Variants in THEMIS observed in about 807,000 individuals in gnomAD.
The protein encoded by THEMIS is thymocyte selection associated, also known as protein THEMIS.
Under a neutral mutation model 52.6 loss-of-function variants are expected in THEMIS, and 37 were observed. The ratio of observed to expected loss-of-function variants is 0.70; its 90% CI spans 0.54 to 0.93. The LOEUF is 0.93. THEMIS is among the 40% of genes least tolerant of loss of function. THEMIS has a pLI of 0.00. For missense variants in THEMIS, 808 were observed against 763.1 expected, an observed-to-expected ratio of 1.06 and a Z score of -0.69; for synonymous variants, 292 against 272.7, an observed-to-expected ratio of 1.07 and a Z score of -0.70.
intron 4 of THEMIS, among the ~76,000 whole-genome samples, chr6:127,778,112 T>G (rs568089040): frequency 5.0e-4 from 76 of 152,088 alleles, no homozygotes; most frequent in Non-Finnish European, 8.4e-4. Context: ...GCAGTCTCAG[T>G]GCTGAAGGAA....
At chr6:127,728,525 T>G (rs1774632642) in intron 4 of THEMIS, among the ~76,000 whole-genome samples, 1 of 152,212 alleles carries the variant, frequency 6.6e-6, no homozygotes, top group Non-Finnish European at 1.5e-5. Context: ...TTTCAAATAT[T>G]AACATAAAAG....
chr6:127,901,110 G>A, upstream of THEMIS: 2 of 588,612 alleles, frequency 3.4e-6, no homozygotes, highest in Non-Finnish European at 6.1e-6. Flanking sequence ...GAAGAGGGAG[G>A]GGGGAAGCAG....
At chr6:127,854,589 C>T (rs1046866252) in intron 2 of THEMIS, among the ~76,000 whole-genome samples, 1 of 151,822 alleles carries the variant, frequency 6.6e-6, no homozygotes. Context: ...AAGACCAGGC[C>T]GACTTTTCAG....
rs149637898 is a variant in THEMIS at position 127,787,850 on chromosome 6, T to TATAGATAG, written c.1758+25025_1758+25032dup. Among the ~76,000 whole-genome samples the TATAGATAG allele has an allele frequency of 6.2e-3, 855 of 137,556 alleles. 4 individuals carry two copies. Among genetic ancestry groups the TATAGATAG allele is most frequent in the African/African-American group, 0.012 (445 of 35,852 alleles). The allele number at this position is 137,556 out of a possible 152,430, so 90.2% of individuals were successfully genotyped here. ...AGATAGATAGATAGAGATAGACAGA[T>TATAGATAG]ATAGATAGATAGATAGATAGATAGA... On this transcript the variant is annotated intron_variant, in intron 4 of 5. Transcript: ENST00000368248.
At position 127,832,777 on chromosome 6, in the gene THEMIS, C is replaced by CTTTTTTTTTTTTTTTTT. The variant is rs11355741; in HGVS notation, c.251-2860_251-2844dup. On this transcript the variant is annotated intron_variant, in intron 2 of 5. Coordinates refer to ENST00000368248, the MANE Select transcript of THEMIS (RefSeq NM_001010923.3). ...CTATTTCCACCTAGGATTGTCAGAT[C>CTTTTTTTTTTTTTTTTT]TTTTTTTTTTTTTTTTTTTTTTTTG... 1.8e-3 allele frequency among the ~76,000 whole-genome samples: 105 copies of CTTTTTTTTTTTTTTTTT among 57,804 alleles called. 24 individuals carry two copies. The highest frequency in any genetic ancestry group is 3.9e-3 in the African/African-American group (51 of 13,096). 37.9% of individuals were successfully genotyped at this position (57,804 alleles called of 152,430 possible).
chr6:127,851,788 C>T (rs777742394), intron 2 of THEMIS, among the ~76,000 whole-genome samples: 5 of 151,674 alleles, frequency 3.3e-5, no homozygotes, highest in African/African-American at 4.8e-5. Context: ...TTGGCAGTTT[C>T]TTTAAACTAA....
At chr6:127,696,899 C>A in the THEMIS span, among the ~76,000 whole-genome samples, 26 of 152,076 alleles carry the variant, frequency 1.7e-4, no homozygotes, top group African/African-American at 6.3e-4. Context: ...ACCTTAATTA[C>A]ATCTATCCCA....
rs192884942 is a variant in THEMIS at position 127,898,708 on chromosome 6, C to T, written c.91+2134G>A. ...AGATACCTGCATTCACATGTTTTTACAATAGCCAAAATATGAAATCAACTT... is the reference window on the plus strand; with the variant it reads ...AGATACCTGCATTCACATGTTTTTATAATAGCCAAAATATGAAATCAACTT... On this transcript the variant is annotated intron_variant, in intron 1 of 5. Coordinates refer to ENST00000368248, the MANE Select transcript of THEMIS (RefSeq NM_001010923.3). Among the ~76,000 whole-genome samples, 165 of 151,794 alleles carry T rather than the reference C, an allele frequency of 1.1e-3. 1 individual carries two copies. Among genetic ancestry groups the T allele is most frequent in the African/African-American group, 3.8e-3 (158 of 41,482 alleles).
Position 127,862,417 on chromosome 6 carries a change from C to T in THEMIS, c.92-7229G>A, listed in dbSNP as rs1431061313. 3.3e-5 allele frequency among the ~76,000 whole-genome samples: 3 copies of T among 90,160 alleles called. No homozygotes were observed. In the Admixed American group the frequency reaches 3.5e-4, roughly 10 times the overall value. 59.1% of individuals were successfully genotyped at this position (90,160 alleles called of 152,430 possible). ...CAAAGCCATAAGCAGGTGAAATCTC[C>T]TAGGGAGTAAATTTTTTTTTTTTTT... On this transcript the variant is annotated intron_variant, in intron 1 of 5. Coordinates refer to ENST00000368248, the MANE Select transcript of THEMIS (RefSeq NM_001010923.3).
intron 3 of THEMIS, among the ~76,000 whole-genome samples, chr6:127,821,303 A>C (rs1353629620): frequency 6.6e-6 from 1 of 152,050 alleles, no homozygotes; most frequent in African/African-American, 2.4e-5. Flanking sequence ...CATTTTCCAA[A>C]AAAGTTCTTT....
At chr6:127,728,758 A>T (rs1351543818) in intron 4 of THEMIS, among the ~76,000 whole-genome samples, 1 of 152,122 alleles carries the variant, frequency 6.6e-6, no homozygotes, top group African/African-American at 2.4e-5. Flanking sequence ...AAGAACCAAT[A>T]ACAAATACAT....
chr6:127,877,944 A>G (rs910722685), intron 1 of THEMIS, among the ~76,000 whole-genome samples: 1 of 152,202 alleles, frequency 6.6e-6, no homozygotes, highest in Non-Finnish European at 1.5e-5. Context: ...CAGGGAAAGG[A>G]TCAGGAAAAT....
In THEMIS at chr6:127,900,929, C is replaced by A; in HGVS notation, c.4G>T (p.Ala2Ser). The A allele has an allele frequency of 6.2e-7, 1 of 1,612,566 alleles. No homozygotes were observed. The highest frequency in any genetic ancestry group is 2.2e-5 in the East Asian group (1 of 44,824). M[A>S]LSLEEFVHSL... is the part of the protein sequence containing the mutation. Reference sequence around the variant, plus strand: ...TGGACGAATTCTTCCAGTGATAATGCCATTGCTATGCCTTGGGTAGTTTGT... The same window carrying A: ...TGGACGAATTCTTCCAGTGATAATGACATTGCTATGCCTTGGGTAGTTTGT... Residue 2 changes from alanine (A) to serine (S), a missense_variant, in exon 1 of 6, where the codon GCA becomes TCA. Transcript: ENST00000368248.
chr6:127,732,104 A>G (rs992642450), intron 4 of THEMIS, among the ~76,000 whole-genome samples: 1 of 151,350 alleles, frequency 6.6e-6, no homozygotes, highest in Admixed American at 6.6e-5. Flanking sequence ...TACAGTGCTG[A>G]AAAACTATAG....
rs145509932 is a variant in THEMIS at position 127,767,260 on chromosome 6, T to A, written c.1758+45623A>T. ...ATGTGCACCATCACACTCAGCTAAT[T>A]TTTTGTATTTTAGTAAAGGCACTGT... On this transcript the variant is annotated intron_variant, in intron 4 of 5. Coordinates refer to ENST00000368248, the MANE Select transcript of THEMIS (RefSeq NM_001010923.3). Among the ~76,000 whole-genome samples the A allele has an allele frequency of 1.4e-4, 21 of 152,072 alleles. 1 individual carries two copies. The East Asian group carries it at 3.5e-3, about 25-fold the overall frequency.
intron 3 of THEMIS, among the ~76,000 whole-genome samples, chr6:127,823,181 T>C (rs1285875594): frequency 6.6e-6 from 1 of 152,142 alleles, no homozygotes; most frequent in African/African-American, 2.4e-5. Flanking sequence ...ATATTTCTAT[T>C]AGCAATAAGA....
At chr6:127,907,142 C>T (rs1781291522) in intron 1 of THEMIS, among the ~76,000 whole-genome samples, 1 of 151,724 alleles carries the variant, frequency 6.6e-6, no homozygotes, top group African/African-American at 2.4e-5. Flanking sequence ...CTAAATCATT[C>T]ATTCTCTGAA....
chr6:127,836,305 G>C (rs1335891330), intron 2 of THEMIS, among the ~76,000 whole-genome samples: 1 of 152,044 alleles, frequency 6.6e-6, no homozygotes, highest in Non-Finnish European at 1.5e-5. Flanking sequence ...AGCCCCATAT[G>C]TTTCTCTCTC....
intron 1 of THEMIS, among the ~76,000 whole-genome samples, chr6:127,874,405 A>C (rs1176856100): frequency 6.6e-6 from 1 of 152,118 alleles, no homozygotes; most frequent in Non-Finnish European, 1.5e-5. Context: ...AAAAATGTTA[A>C]CTTTTTATAA....
Sources: allele counts gnomAD v4.1 joint callset (sites outside exome capture counted in the v4.1 genomes callset), GRCh38; gene constraint gnomAD v4.1.1; transcripts MANE v1.5; gene names NCBI Gene and HGNC (gene_info 2026-07-23, HGNC 2026-07-21).